Variants in GPHN observed in about 807,000 individuals in gnomAD.
GPHN encodes gephyrin.
In GPHN, 17 loss-of-function variants were observed where a neutral mutation model predicts 95.5. The ratio of observed to expected loss-of-function variants is 0.18; its 90% CI spans 0.12 to 0.27. The LOEUF (loss-of-function observed/expected upper bound fraction) is 0.27. Ranked by LOEUF, GPHN falls within the 10% of genes least tolerant of loss-of-function variation. The probability of loss-of-function intolerance (pLI) is 1.00; values close to 1 mark genes in which losing one functional copy is unlikely to be tolerated. For synonymous variants in GPHN, 320 were observed against 322.5 expected (o/e 0.99, Z 0.08); for missense variants, 660 against 978.1 (o/e 0.67, Z 4.34).
chr14:67,008,770 C>A (rs1041461075), intron 9 of GPHN, among the ~76,000 whole-genome samples: 1 of 152,044 alleles, frequency 6.6e-6, no homozygotes, highest in Non-Finnish European at 1.5e-5. Context: ...TGGTCTTGAA[C>A]TTCTGGGTTC....
At chr14:66,885,899 T>G (rs2064166977) in intron 5 of GPHN, among the ~76,000 whole-genome samples, 1 of 147,848 alleles carries the variant, frequency 6.8e-6, no homozygotes, top group Non-Finnish European at 1.5e-5. Flanking sequence ...AATTACCATA[T>G]TATAAGATTC....
chr14:66,816,462 C>G (rs779376652), intron 3 of GPHN, among the ~76,000 whole-genome samples: 1 of 152,068 alleles, frequency 6.6e-6, no homozygotes, highest in African/African-American at 2.4e-5. Context: ...TCTCTAGGAC[C>G]ACAGTGCAAT....
At chr14:67,037,945 C>T (rs2074509489) in intron 10 of GPHN, among the ~76,000 whole-genome samples, 1 of 151,954 alleles carries the variant, frequency 6.6e-6, no homozygotes, top group Non-Finnish European at 1.5e-5. Context: ...GTCAGTCTCA[C>T]TTCTGGGTAT....
chr14:66,861,483 A>G (rs907285319), intron 4 of GPHN, among the ~76,000 whole-genome samples: 3 of 152,082 alleles, frequency 2.0e-5, no homozygotes, highest in Non-Finnish European at 4.4e-5. Flanking sequence ...AATCAGCACT[A>G]TAGAACAAAT....
intron 1 of GPHN, among the ~76,000 whole-genome samples, chr14:66,658,565 A>G (rs188371738): frequency 3.9e-4 from 60 of 152,326 alleles, no homozygotes; most frequent in Admixed American, 7.2e-4. Context: ...AGCCATCAGC[A>G]TCAAAGTAGG....
At chr14:67,287,434 G>T in the GPHN span, among the ~76,000 whole-genome samples, 1 of 151,968 alleles carries the variant, frequency 6.6e-6, no homozygotes, top group South Asian at 2.1e-4. Flanking sequence ...TTATTAAAAA[G>T]CACTCTAGTA....
chr14:67,264,702 T>C, the GPHN span, among the ~76,000 whole-genome samples: 11 of 152,366 alleles, frequency 7.2e-5, no homozygotes, highest in Middle Eastern at 3.4e-3. Flanking sequence ...TCGAGCTCTT[T>C]TGTCCACATT....
intron 8 of GPHN, among the ~76,000 whole-genome samples, chr14:66,939,560 C>T (rs138473234): frequency 0.012 from 1,845 of 152,142 alleles, 19 homozygotes; most frequent in Non-Finnish European, 0.018. Flanking sequence ...CCACCCCACA[C>T]GCAAGCTGAA....
chr14:66,605,276 C>T (rs2062467815), intron 1 of GPHN, among the ~76,000 whole-genome samples: 1 of 152,060 alleles, frequency 6.6e-6, no homozygotes. Context: ...CATCTCTCAA[C>T]TGCTTTCCAC....
chr14:67,096,351 A>G (rs2077392939), intron 12 of GPHN, among the ~76,000 whole-genome samples: 1 of 152,128 alleles, frequency 6.6e-6, no homozygotes, highest in Non-Finnish European at 1.5e-5. Context: ...GGCTTGCCCC[A>G]GATGACCTCC....
the GPHN span, among the ~76,000 whole-genome samples, chr14:67,286,960 G>A: frequency 6.8e-6 from 1 of 147,232 alleles, no homozygotes. Flanking sequence ...GCTCACGCCT[G>A]TAATCTCAGC....
chr14:67,198,303 G>A, the GPHN span: 6 of 1,613,364 alleles, frequency 3.7e-6, no homozygotes, highest in Middle Eastern at 1.7e-4. Context: ...TCCCATGTTA[G>A]AGAGCAATTT....
the GPHN span, among the ~76,000 whole-genome samples, chr14:67,298,631 T>C: frequency 6.6e-6 from 1 of 152,216 alleles, no homozygotes; most frequent in Non-Finnish European, 1.5e-5. Context: ...AAAGTTTAGA[T>C]GCTATGAGTA....
chr14:67,435,093 AG>A, the GPHN span, among the ~76,000 whole-genome samples: 12 of 151,694 alleles, frequency 7.9e-5, no homozygotes, highest in East Asian at 2.3e-3. Context: ...CAGCCTCCTA[AG>A]TAGCTGGGAT....
intron 3 of GPHN, among the ~76,000 whole-genome samples, chr14:66,786,388 A>G (rs1453129934): frequency 6.6e-6 from 1 of 152,112 alleles, no homozygotes; most frequent in Non-Finnish European, 1.5e-5. Flanking sequence ...ACTTAAATTC[A>G]TAATGAAAAA....
At chr14:67,032,890 A>G (rs894486945) in intron 10 of GPHN, among the ~76,000 whole-genome samples, 11 of 152,212 alleles carry the variant, frequency 7.2e-5, no homozygotes, top group South Asian at 2.1e-4. Flanking sequence ...TACATGCCCA[A>G]TCAAAAGATC....
chr14:67,598,563 T>C, the GPHN span, among the ~76,000 whole-genome samples: 31 of 152,160 alleles, frequency 2.0e-4, no homozygotes, highest in Admixed American at 7.9e-4. Context: ...AGTGGGCATT[T>C]AATAAATATC....
the GPHN span, chr14:67,382,649 G>C: frequency 6.3e-7 from 1 of 1,584,114 alleles, no homozygotes; most frequent in South Asian, 1.1e-5. Context: ...AGGAGTTCTT[G>C]TAGGTAAATA....
chr14:67,028,237 A>G (rs2074023043), intron 10 of GPHN, among the ~76,000 whole-genome samples: 1 of 152,210 alleles, frequency 6.6e-6, no homozygotes, highest in Non-Finnish European at 1.5e-5. Context: ...CATTGTGTGT[A>G]TATACCACAT....
Sources: gnomAD v4.1 joint callset for allele counts (sites outside exome capture counted in the v4.1 genomes callset) on GRCh38, gnomAD v4.1.1 for gene constraint, MANE v1.5 for transcripts, NCBI Gene and HGNC (gene_info 2026-07-23, HGNC 2026-07-21) for gene names.